FGFR2: variants seen among roughly 807,000 people sequenced by gnomAD.
FGFR2 encodes the protein BEK fibroblast growth factor receptor.
In FGFR2, 19 loss-of-function variants were observed where a neutral mutation model predicts 95.9. That is an observed-to-expected ratio of 0.20 (90% CI 0.14 to 0.29). The LOEUF is 0.29. Among genes scored for constraint, FGFR2 ranks in the 10% least tolerant of loss-of-function variants. FGFR2 has a pLI of 1.00. For synonymous variants in FGFR2, 392 were observed against 393.3 expected, an observed-to-expected ratio of 1.00 and a Z score of 0.04; for missense variants, 707 against 1,056.9, an observed-to-expected ratio of 0.67 and a Z score of 4.59.
chr10:121,583,746 C>T (rs1042423851), intron 2 of FGFR2, among the ~76,000 whole-genome samples: 2 of 141,038 alleles, frequency 1.4e-5, no homozygotes, highest in East Asian at 2.1e-4. Context: ...TGAGGGGTCA[C>T]CACATTCTCC....
rs770347175 is a variant in FGFR2, at chr10:121,518,813, C to T, written c.939+1166G>A. ...CAGAGCCAGCACTTCTGCATTGGAA[C>T]TATTTATCCCCGAGTGCTAGAACAG... On this transcript the variant is annotated intron_variant, in intron 7 of 17. Transcript: ENST00000358487. This position sits in a 1 kb window ranked among gnomAD's most constrained non-coding sequence, Gnocchi z 4.0. 6.8e-6 allele frequency: 11 copies of T among 1,614,020 alleles called. No individual in the cohort carries two copies. Among genetic ancestry groups the T allele is most frequent in the Admixed American group, 3.3e-5 (2 of 59,996 alleles).
chr10:121,530,736 A>G (rs1851979519), intron 6 of FGFR2, among the ~76,000 whole-genome samples: 2 of 152,218 alleles, frequency 1.3e-5, no homozygotes, highest in African/African-American at 4.8e-5. Context: ...TTGCAATGTT[A>G]AGAACCACAA....
At chr10:121,579,235 G>A (rs1050654624) in intron 2 of FGFR2, among the ~76,000 whole-genome samples, 1 of 152,324 alleles carries the variant, frequency 6.6e-6, no homozygotes, top group Admixed American at 6.5e-5. Flanking sequence ...TTAAAGTGAG[G>A]GGCACGTCTG....
intron 2 of FGFR2, among the ~76,000 whole-genome samples, chr10:121,586,656 G>A (rs1417490577): frequency 3.3e-5 from 5 of 152,096 alleles, no homozygotes; most frequent in Admixed American, 1.3e-4. Context: ...TCTAAAGCAC[G>A]CCTATTTTAC....
chr10:121,594,325 G>T (rs1863129778), intron 1 of FGFR2, among the ~76,000 whole-genome samples: 1 of 152,184 alleles, frequency 6.6e-6, no homozygotes, highest in East Asian at 1.9e-4. Flanking sequence ...TTAGTTTCAA[G>T]GGCAACTACA....
intron 13 of FGFR2, among the ~76,000 whole-genome samples, chr10:121,492,563 A>T (rs1247305776): frequency 6.6e-6 from 1 of 152,240 alleles, no homozygotes; most frequent in African/African-American, 2.4e-5. Flanking sequence ...TCAGGCAAGC[A>T]GGTCTCTCAC....
intron 5 of FGFR2, among the ~76,000 whole-genome samples, chr10:121,547,542 G>A (rs1026097137): frequency 1.3e-5 from 2 of 151,752 alleles, no homozygotes; most frequent in Admixed American, 6.6e-5. Context: ...CTACAGGTGA[G>A]CACTACTACG....
chr10:121,525,921 A>G (rs2912768), intron 6 of FGFR2, among the ~76,000 whole-genome samples: 146,125 of 152,052 alleles, frequency 0.96, 70,485 homozygotes, highest in Middle Eastern at 1. Context: ...CTGGTTTCCC[A>G]GCTCACACTG....
chr10:121,503,936 C>A lies in FGFR2; in HGVS notation c.1293G>T (p.Ser431=). The A allele has an allele frequency of 6.2e-7, 1 of 1,613,980 alleles. No individual in the cohort carries two copies. The highest frequency in any genetic ancestry group is 8.5e-7 in the Non-Finnish European group (1 of 1,179,978). ...RIPLRRQVTV[S]AESSSSMNSN... Reference sequence around the variant, plus strand: ...AGTTCATGGAGGAGCTGGACTCAGCCGAAACCTGGATACAAAATGCAAAGA... The same window carrying A: ...AGTTCATGGAGGAGCTGGACTCAGCAGAAACCTGGATACAAAATGCAAAGA... The change falls in exon 10 of 18, where the codon TCG becomes TCT. Residue 431 remains serine, a synonymous_variant. Transcript: ENST00000358487.
chr10:121,520,224 A>G (rs2134322168), intron 6 of FGFR2, 55 bp from the exon 7 acceptor site: 2 of 1,549,420 alleles, frequency 1.3e-6, no homozygotes, highest in Non-Finnish European at 1.7e-6. Flanking sequence ...AGAGACCAAT[A>G]AATAAGCTGT....
At chr10:121,512,799 G>A (rs1013437091) in intron 9 of FGFR2, among the ~76,000 whole-genome samples, 2 of 152,200 alleles carry the variant, frequency 1.3e-5, no homozygotes, top group African/African-American at 4.8e-5. Context: ...GGAAGAAAAA[G>A]AGGAAGGAAC....
chr10:121,534,695 C>A (rs1852581100), intron 6 of FGFR2, among the ~76,000 whole-genome samples: 1 of 152,100 alleles, frequency 6.6e-6, no homozygotes, highest in Non-Finnish European at 1.5e-5. Flanking sequence ...ATGCCCAGCC[C>A]CAAAATGGCA....
intron 6 of FGFR2, 30 bp downstream of exon 6, chr10:121,538,562 C>T (rs762604458): frequency 8.7e-6 from 14 of 1,614,022 alleles, no homozygotes; most frequent in East Asian, 4.5e-5. Context: ...GGCTGGTATG[C>T]AGCCGCCACA....
At chr10:121,545,405 T>C (rs558478038) in intron 5 of FGFR2, among the ~76,000 whole-genome samples, 5 of 152,116 alleles carry the variant, frequency 3.3e-5, no homozygotes, top group Admixed American at 1.3e-4. Flanking sequence ...ACCTATGAGG[T>C]AGGGGTAGGG....
In FGFR2 at chr10:121,496,724, T is replaced by C. The variant is rs1311521851; in HGVS notation, c.1673-2A>G. 6.2e-7 allele frequency: 1 copy of C among 1,611,632 alleles called. No homozygotes were observed. Among genetic ancestry groups the C allele is most frequent in the Non-Finnish European group, 8.5e-7 (1 of 1,179,888 alleles). ...ACTCAACTATGACATAGAGAGGCCC[T>C]GTTGAGGAAGAAGAGAAGCTCCCTA... On this transcript the variant is annotated splice_acceptor_variant, in intron 12 of 17. Transcript: ENST00000358487. LOFTEE classifies it high-confidence loss of function.
In FGFR2 at chr10:121,515,325, T is replaced by A. The variant is rs2134232051; in HGVS notation, c.1085-6A>T. 6.2e-7 allele frequency: 1 copy of A among 1,613,958 alleles called. No homozygotes were observed. Among genetic ancestry groups the A allele is most frequent in the South Asian group, 1.1e-5 (1 of 91,068 alleles). ...CTCCTTTTCTCTTCCAGGCGCTAGA[T>A]TGCAGATCACAGGAGGAGGAACAGA... is the stretch of plus-strand genomic sequence containing the variant. On this transcript the variant is annotated splice_region_variant and splice_polypyrimidine_tract_variant and intron_variant, in intron 8 of 17. Coordinates refer to ENST00000358487, the MANE Select transcript of FGFR2 (RefSeq NM_000141.5).
Position 121,479,503 on chromosome 10 carries a change from T to TA in FGFR2, c.*353dup, listed in dbSNP as rs1844397572. On this transcript the variant is annotated 3_prime_UTR_variant, in exon 18 of 18. Coordinates refer to ENST00000358487, the MANE Select transcript of FGFR2 (RefSeq NM_000141.5). ...ACCTATATACTGCATTTGTGCTCTGTAAGTGTGTGCTGACATAAATCTTCT... is the reference window on the plus strand; with the variant it reads ...ACCTATATACTGCATTTGTGCTCTGTAAAGTGTGTGCTGACATAAATCTTCT... 36 of 1,168,132 alleles carry TA rather than the reference T, an allele frequency of 3.1e-5. No individual in the cohort carries two copies. The highest frequency in any genetic ancestry group is 4.3e-5 in the Non-Finnish European group (35 of 819,102). 72.4% of individuals were successfully genotyped at this position (1,168,132 alleles called of 1,614,324 possible). A position where few individuals can be genotyped will look rare whatever the true frequency, so the allele number is the denominator to read the frequency against.
Position 121,479,664 on chromosome 10 carries a change from TCTC to T in FGFR2, c.*190_*192del. The T allele has an allele frequency of 6.4e-7, 1 of 1,552,956 alleles. No homozygotes were observed. Among genetic ancestry groups the T allele is most frequent in the Non-Finnish European group, 8.7e-7 (1 of 1,147,544 alleles). Reference sequence around the variant, plus strand: ...CAGTCCACTGCTCCAGAAACCTTCTTCTCCTCCTGGGGAAGATTACAAGTTTTC... The same window carrying T: ...CAGTCCACTGCTCCAGAAACCTTCTTCTCCTGGGGAAGATTACAAGTTTTC... On this transcript the variant is annotated 3_prime_UTR_variant, in exon 18 of 18. Transcript: ENST00000358487.
chr10:121,484,555 C>T (rs1469536162), intron 16 of FGFR2, among the ~76,000 whole-genome samples: 1 of 152,228 alleles, frequency 6.6e-6, no homozygotes, highest in Non-Finnish European at 1.5e-5. Flanking sequence ...ATAAAATCCC[C>T]ATGAAATGAT....
Sources: allele counts gnomAD v4.1 joint callset (sites outside exome capture counted in the v4.1 genomes callset), GRCh38; gene constraint gnomAD v4.1.1; non-coding constraint Gnocchi (gnomAD v3.1); transcripts MANE v1.5; gene names NCBI Gene and HGNC (gene_info 2026-07-23, HGNC 2026-07-21).